KIF2A: variants seen among roughly 807,000 people sequenced by gnomAD.
KIF2A encodes kinesin family member 2A.
A neutral mutation model predicts 100.2 loss-of-function variants in KIF2A; 22 were observed. The observed-to-expected ratio is 0.22, with a 90% CI of 0.16 to 0.31. The LOEUF (loss-of-function observed/expected upper bound fraction) is 0.31, where lower values mean the gene tolerates loss of function less well. Among genes scored for constraint, KIF2A ranks in the 10% least tolerant of loss-of-function variants. KIF2A has a pLI of 1.00. For missense variants in KIF2A, 495 were observed against 898.7 expected, an observed-to-expected ratio of 0.55 and a Z score of 5.74; for synonymous variants, 268 against 285.9, an observed-to-expected ratio of 0.94 and a Z score of 0.63.
At chr5:62,346,185 C>T (rs1429112737) in intron 1 of KIF2A, among the ~76,000 whole-genome samples, 2 of 151,958 alleles carry the variant, frequency 1.3e-5, no homozygotes, top group Non-Finnish European at 2.9e-5. Context: ...ATAAAACCTA[C>T]AGTCTACTAA....
intron 20 of KIF2A, among the ~76,000 whole-genome samples, chr5:62,382,316 C>T (rs1741802147): frequency 6.6e-6 from 1 of 152,080 alleles, no homozygotes; most frequent in Admixed American, 6.6e-5. Flanking sequence ...GTGGTGCCTG[C>T]CTGTAGTCCC....
rs1742269085 is a variant in KIF2A, at chr5:62,390,715, G to A, written c.*5146G>A. Among the ~76,000 whole-genome samples, 1 of 152,096 alleles carries A rather than the reference G, an allele frequency of 6.6e-6. No individual in the cohort carries two copies. Among genetic ancestry groups the A allele is most frequent in the African/African-American group, 2.4e-5 (1 of 41,386 alleles). Reference sequence around the variant, plus strand: ...ATGTTCATTCTGCTGCAGCTAACTAGCCTCCATCTTCTACACCAAATACTA... The same window carrying A: ...ATGTTCATTCTGCTGCAGCTAACTAACCTCCATCTTCTACACCAAATACTA... On this transcript the variant is annotated 3_prime_UTR_variant, in exon 21 of 21. Coordinates refer to ENST00000407818, the MANE Select transcript of KIF2A (RefSeq NM_001098511.3).
intron 17 of KIF2A, among the ~76,000 whole-genome samples, chr5:62,373,313 T>C (rs1257156325): frequency 6.6e-6 from 1 of 152,008 alleles, no homozygotes; most frequent in East Asian, 1.9e-4. Context: ...CATTTTTCTG[T>C]TCATATAATT....
At chr5:62,334,768 C>A (rs1477892449) in intron 1 of KIF2A, among the ~76,000 whole-genome samples, 1 of 152,080 alleles carries the variant, frequency 6.6e-6, no homozygotes, top group Non-Finnish European at 1.5e-5. Context: ...CCCTGGAGAC[C>A]AGTAATCTGC....
intron 1 of KIF2A, among the ~76,000 whole-genome samples, chr5:62,342,719 T>C (rs1561262732): frequency 6.6e-6 from 1 of 152,064 alleles, no homozygotes; most frequent in African/African-American, 2.4e-5. Context: ...ATCTGCATCA[T>C]GGTCTGAAAG....
In KIF2A at chr5:62,367,486, C is replaced by T. The variant is rs189657284; in HGVS notation, c.1646+1005C>T. 4.7e-3 allele frequency among the ~76,000 whole-genome samples: 711 copies of T among 152,168 alleles called. 6 individuals are homozygous for T. Among genetic ancestry groups the T allele is most frequent in the African/African-American group, 0.016 (664 of 41,492 alleles). On this transcript the variant is annotated intron_variant, in intron 16 of 20. Coordinates refer to ENST00000407818, the MANE Select transcript of KIF2A (RefSeq NM_001098511.3). ...TTCACTATGTTGGCTAGGCTGGTCT[C>T]GAACTCCTGACCTCAGGTGATCCAC...
At chr5:62,326,693 GA>G (rs902056172) in intron 1 of KIF2A, among the ~76,000 whole-genome samples, 275 of 143,222 alleles carry the variant, frequency 1.9e-3, no homozygotes, top group African/African-American at 5.6e-3. Flanking sequence ...TCTCCCATCC[GA>G]AAAAAAAAAA....
intron 6 of KIF2A, among the ~76,000 whole-genome samples, chr5:62,354,822 C>A (rs1159615433): frequency 6.6e-6 from 1 of 152,094 alleles, no homozygotes; most frequent in East Asian, 1.9e-4. Context: ...AGCATTATTT[C>A]TCTGTTGCTG....
intron 15 of KIF2A, 120 bp downstream of exon 15, chr5:62,365,473 T>A: frequency 1.8e-6 from 1 of 557,786 alleles, no homozygotes; most frequent in Non-Finnish European, 3.1e-6. Flanking sequence ...TTGAGTGATA[T>A]GGTGATATTT....
At chr5:62,338,020 G>A (rs1434728632) in intron 1 of KIF2A, among the ~76,000 whole-genome samples, 3 of 152,094 alleles carry the variant, frequency 2.0e-5, no homozygotes, top group Admixed American at 2.0e-4. Context: ...AGGCCAAGAA[G>A]ATCAAAGAGA....
At chr5:62,336,259 G>A (rs1048927919) in intron 1 of KIF2A, among the ~76,000 whole-genome samples, 5 of 152,222 alleles carry the variant, frequency 3.3e-5, no homozygotes, top group Middle Eastern at 3.2e-3. Context: ...CAGGTCCACT[G>A]TTTGAAGACA....
At chr5:62,366,811 A>G (rs1188683115) in intron 16 of KIF2A, among the ~76,000 whole-genome samples, 18 of 151,880 alleles carry the variant, frequency 1.2e-4, no homozygotes, top group Non-Finnish European at 2.4e-4. Context: ...AGCCTGGGCA[A>G]CAGAGTGAGA....
At chr5:62,346,988 C>G (rs1004920567) in intron 1 of KIF2A, 142 bp from the exon 2 acceptor site, 3 of 562,186 alleles carry the variant, frequency 5.3e-6, no homozygotes, top group African/African-American at 2.0e-5. Flanking sequence ...ATTCCCTGTT[C>G]CTGAGGGTCT....
chr5:62,384,155 T>G (rs1232199384), intron 20 of KIF2A, among the ~76,000 whole-genome samples: 1 of 152,124 alleles, frequency 6.6e-6, no homozygotes, highest in African/African-American at 2.4e-5. Context: ...GAGAATCACT[T>G]GAACCCGGGG....
intron 1 of KIF2A, among the ~76,000 whole-genome samples, chr5:62,323,745 T>C (rs141686615): frequency 6.6e-5 from 10 of 152,172 alleles, no homozygotes; most frequent in Middle Eastern, 3.4e-3. Context: ...CATAACACTT[T>C]AAATTTTTTT....
chr5:62,377,794 TTTC>T, intron 19 of KIF2A, 32 bp downstream of exon 19: 1 of 1,125,358 alleles, frequency 8.9e-7, no homozygotes, highest in South Asian at 1.5e-5. Context: ...CTTCAAAATA[TTTC>T]TTGAGATAAA....
At chr5:62,314,207 C>T (rs1429470222) in intron 1 of KIF2A, among the ~76,000 whole-genome samples, 1 of 152,134 alleles carries the variant, frequency 6.6e-6, no homozygotes, top group African/African-American at 2.4e-5. Context: ...TGTCTCATGC[C>T]TGTAATCCCA....
chr5:62,354,139 A>G (rs1204529777), intron 6 of KIF2A, among the ~76,000 whole-genome samples: 1 of 152,122 alleles, frequency 6.6e-6, no homozygotes, highest in African/African-American at 2.4e-5. Context: ...ATTATATCCA[A>G]CCTGAATGAA....
At chr5:62,310,628 T>G (rs558100378) in intron 1 of KIF2A, among the ~76,000 whole-genome samples, 1 of 151,628 alleles carries the variant, frequency 6.6e-6, no homozygotes, top group African/African-American at 2.4e-5. Flanking sequence ...TTAATTGAAA[T>G]TGAGTGATCT....
Sources: allele counts gnomAD v4.1 joint callset (sites outside exome capture counted in the v4.1 genomes callset), GRCh38; gene constraint gnomAD v4.1.1; transcripts MANE v1.5; gene names NCBI Gene and HGNC (gene_info 2026-07-23, HGNC 2026-07-21).